PAPPA: variants seen among roughly 807,000 people sequenced by gnomAD.
PAPPA encodes pappalysin 1.
Under a neutral mutation model 164.0 loss-of-function variants are expected in PAPPA, and 60 were observed. The observed-to-expected ratio is 0.37, with a 90% CI of 0.30 to 0.45. The LOEUF is 0.45. Among genes scored for constraint, PAPPA ranks in the 20% least tolerant of loss-of-function variants. The pLI is 1.00. For synonymous variants in PAPPA, 875 were observed against 814.1 expected, an observed-to-expected ratio of 1.07 and a Z score of -1.27; for missense variants, 1,782 against 2,087.3, an observed-to-expected ratio of 0.85 and a Z score of 2.85.
chr9:116,218,716 A>G (rs1329182485), intron 4 of PAPPA, among the ~76,000 whole-genome samples: 3 of 152,126 alleles, frequency 2.0e-5, no homozygotes, highest in African/African-American at 7.2e-5. Flanking sequence ...ATATCCATAC[A>G]ATGTCTCATT....
At chr9:116,258,518 T>A (rs1844959824) in intron 7 of PAPPA, among the ~76,000 whole-genome samples, 1 of 151,668 alleles carries the variant, frequency 6.6e-6, no homozygotes, top group Non-Finnish European at 1.5e-5. Flanking sequence ...TAGCCAGGCG[T>A]GGTGGCGCAT....
chr9:116,173,647 A>G (rs1007352066), intron 1 of PAPPA, among the ~76,000 whole-genome samples: 1 of 152,122 alleles, frequency 6.6e-6, no homozygotes, highest in Non-Finnish European at 1.5e-5. Context: ...TATCTTTCTC[A>G]TCTCGAGAGT....
At chr9:116,371,918 T>C (rs12005224) in intron 19 of PAPPA, among the ~76,000 whole-genome samples, 6,462 of 152,282 alleles carry the variant, frequency 0.042, 419 homozygotes, top group African/African-American at 0.14. Context: ...GTAAATTTAT[T>C]TGTAGACTTG....
In PAPPA at chr9:116,193,408, C is replaced by T. The variant is rs532889690; in HGVS notation, c.1478+5192C>T. ...TGGAGCATAAACTTCATACTTTCCT[C>T]TTCCTTTTCAATCTGAATGAAGGAC... is the stretch of plus-strand genomic sequence containing the variant. On this transcript the variant is annotated intron_variant, in intron 2 of 21. Coordinates refer to ENST00000328252, the MANE Select transcript of PAPPA (RefSeq NM_002581.5). Among the ~76,000 whole-genome samples the T allele has an allele frequency of 9.9e-4, 151 of 152,262 alleles. 1 individual carries two copies. The highest frequency in any genetic ancestry group is 3.4e-3 in the African/African-American group (142 of 41,522).
chr9:116,338,832 G>A (rs1031440577), intron 13 of PAPPA, among the ~76,000 whole-genome samples: 2 of 152,338 alleles, frequency 1.3e-5, no homozygotes, highest in East Asian at 3.9e-4. Flanking sequence ...ATCCTTGGCA[G>A]TGCTTGAGAT....
At chr9:116,207,646 T>C (rs1235929774) in intron 3 of PAPPA, 45 bp downstream of exon 3, 2 of 1,462,862 alleles carry the variant, frequency 1.4e-6, no homozygotes, top group East Asian at 4.6e-5. Flanking sequence ...AGTAGGACAG[T>C]AATACACTTA....
At chr9:116,160,380 A>G (rs1453275802) in intron 1 of PAPPA, among the ~76,000 whole-genome samples, 1 of 152,196 alleles carries the variant, frequency 6.6e-6, no homozygotes, top group Non-Finnish European at 1.5e-5. Flanking sequence ...CCTGATGTCA[A>G]ATGAATCTCT....
chr9:116,206,277 A>G (rs1844234561), intron 2 of PAPPA, among the ~76,000 whole-genome samples: 1 of 152,120 alleles, frequency 6.6e-6, no homozygotes, highest in African/African-American at 2.4e-5. Flanking sequence ...TGTACAAATT[A>G]TGGTCACAGG....
intron 7 of PAPPA, among the ~76,000 whole-genome samples, chr9:116,253,966 A>T (rs1282576779): frequency 6.6e-6 from 1 of 152,092 alleles, no homozygotes; most frequent in African/African-American, 2.4e-5. Flanking sequence ...CTGCTACCTA[A>T]ATGGTCTTCC....
chr9:116,377,120 A>G (rs1372113574), intron 19 of PAPPA, among the ~76,000 whole-genome samples: 1 of 152,080 alleles, frequency 6.6e-6, no homozygotes, highest in African/African-American at 2.4e-5. Context: ...GCTTTGAGAA[A>G]TGCTGCTCCA....
At chr9:116,163,282 G>A (rs1334804923) in intron 1 of PAPPA, among the ~76,000 whole-genome samples, 2 of 152,204 alleles carry the variant, frequency 1.3e-5, no homozygotes, top group Non-Finnish European at 2.9e-5. Flanking sequence ...GGAATGCTGT[G>A]TGGGAGTGGG....
chr9:116,300,826 G>A (rs1388797006), intron 9 of PAPPA, among the ~76,000 whole-genome samples: 1 of 146,232 alleles, frequency 6.8e-6, no homozygotes, highest in Admixed American at 7.1e-5. Flanking sequence ...CCACTTAGAA[G>A]CAAATCAACC....
At chr9:116,356,140 A>G (rs1846351334) in intron 17 of PAPPA, among the ~76,000 whole-genome samples, 2 of 152,212 alleles carry the variant, frequency 1.3e-5, no homozygotes, top group Admixed American at 1.3e-4. Context: ...AAAAGCAAAT[A>G]AAAACCTGAC....
At chr9:116,186,299 C>T (rs1008613868) in intron 1 of PAPPA, among the ~76,000 whole-genome samples, 9 of 149,726 alleles carry the variant, frequency 6.0e-5, no homozygotes, top group African/African-American at 2.2e-4. Flanking sequence ...TATATATAGA[C>T]AGAGAGAGAG....
At chr9:116,276,824 C>A (rs1485027086) in intron 9 of PAPPA, among the ~76,000 whole-genome samples, 1 of 152,058 alleles carries the variant, frequency 6.6e-6, no homozygotes, top group Non-Finnish European at 1.5e-5. Flanking sequence ...AATTAGCAAC[C>A]CCCAGCCCCA....
intron 13 of PAPPA, among the ~76,000 whole-genome samples, chr9:116,340,068 G>T (rs1323779279): frequency 1.3e-5 from 2 of 152,164 alleles, no homozygotes; most frequent in Non-Finnish European, 2.9e-5. Flanking sequence ...AGAATTACCT[G>T]CATTCTTTCC....
chr9:116,302,999 C>A, intron 10 of PAPPA, 49 bp downstream of exon 10: 1 of 1,521,604 alleles, frequency 6.6e-7, no homozygotes, highest in African/African-American at 1.4e-5. Context: ...TCAAAGTCTC[C>A]GCTATGCCCC....
chr9:116,171,274 C>T (rs1843772874), intron 1 of PAPPA, among the ~76,000 whole-genome samples: 1 of 152,224 alleles, frequency 6.6e-6, no homozygotes, highest in Admixed American at 6.5e-5. Context: ...CCTTCACATT[C>T]TGTGTATGCC....
At chr9:116,273,190 T>G (rs1845157236) in intron 9 of PAPPA, among the ~76,000 whole-genome samples, 1 of 152,158 alleles carries the variant, frequency 6.6e-6, no homozygotes, top group Non-Finnish European at 1.5e-5. Flanking sequence ...AAGAGATGCT[T>G]GAGCCTTGAC....
Sources: allele counts gnomAD v4.1 joint callset (sites outside exome capture counted in the v4.1 genomes callset), GRCh38; gene constraint gnomAD v4.1.1; transcripts MANE v1.5; gene names NCBI Gene and HGNC (gene_info 2026-07-23, HGNC 2026-07-21).